LYAR: variants seen among roughly 807,000 people sequenced by gnomAD.
LYAR encodes the protein Ly1 antibody reactive, also known as cell growth-regulating nucleolar protein.
Under a neutral mutation model 45.2 loss-of-function variants are expected in LYAR, and 37 were observed. That is an observed-to-expected ratio of 0.82 (90% CI 0.63 to 1.08). The LOEUF (loss-of-function observed/expected upper bound fraction) is 1.08. Ranked by LOEUF, LYAR falls within the 50% of genes least tolerant of loss-of-function variation. The pLI is 0.00. For missense variants in LYAR, 493 were observed against 451.0 expected, an observed-to-expected ratio of 1.09 and a Z score of -0.84; for synonymous variants, 176 against 155.1, an observed-to-expected ratio of 1.14 and a Z score of -1.00.
Position 4,283,474 on chromosome 4 carries a change from CACCAGTTTTAATCAATGGAACAT to C in LYAR, c.122+124_122+146del, listed in dbSNP as rs1294455632. The stretch of plus-strand genomic sequence containing the variant: ...TAGTAAAGCACATTTGAAAGAATCA[CACCAGTTTTAATCAATGGAACAT>C]ACCAGTTTTTAGTCTTAATTTCATT... On this transcript the variant is annotated intron_variant, in intron 3 of 9. Transcript: ENST00000343470. 4 of 832,760 alleles carry C rather than the reference CACCAGTTTTAATCAATGGAACAT, an allele frequency of 4.8e-6. No individual in the cohort carries two copies. In the African/African-American group the frequency reaches 6.9e-5, roughly 14 times the overall value. 51.6% of individuals were successfully genotyped at this position (832,760 alleles called of 1,614,324 possible).
At chr4:4,273,749 G>T in intron 7 of LYAR, 80 bp from the exon 8 acceptor site, 1 of 789,038 alleles carries the variant, frequency 1.3e-6, no homozygotes, top group Non-Finnish European at 2.1e-6. Flanking sequence ...CCTTATGCGA[G>T]CTAGGCAAAC....
At chr4:4,279,261 G>A (rs1719304203) in intron 6 of LYAR, among the ~76,000 whole-genome samples, 186 bp downstream of exon 6, 1 of 152,164 alleles carries the variant, frequency 6.6e-6, no homozygotes, top group Non-Finnish European at 1.5e-5. Context: ...TGAACCCAGA[G>A]GCAGAAGTTG....
At chr4:4,281,982 G>A in intron 3 of LYAR, 85 bp from the exon 4 acceptor site, 3 of 793,604 alleles carry the variant, frequency 3.8e-6, no homozygotes, top group Non-Finnish European at 6.6e-6. Context: ...ATCTTCTGTG[G>A]TCTACACTGT....
chr4:4,287,814 C>T (rs1349101664), intron 1 of LYAR, among the ~76,000 whole-genome samples: 1 of 152,146 alleles, frequency 6.6e-6, no homozygotes, highest in Non-Finnish European at 1.5e-5. Context: ...TATAAGATGA[C>T]TTTCCATGTA....
chr4:4,277,096 G>A (rs1193532081), intron 6 of LYAR, among the ~76,000 whole-genome samples: 1 of 152,026 alleles, frequency 6.6e-6, no homozygotes, highest in South Asian at 2.1e-4. Flanking sequence ...ACCCAGGCTG[G>A]AGTGCAGTGG....
At chr4:4,279,599 A>G in intron 5 of LYAR, 43 bp downstream of exon 5, 1 of 1,566,086 alleles carries the variant, frequency 6.4e-7, no homozygotes, top group Non-Finnish European at 8.8e-7. Context: ...TCAGTCACTG[A>G]TGGGCCACAC....
intron 1 of LYAR, among the ~76,000 whole-genome samples, chr4:4,287,133 T>C (rs3775342): frequency 0.019 from 2,920 of 152,228 alleles, 89 homozygotes; most frequent in African/African-American, 0.065. Flanking sequence ...TGGATCTAAA[T>C]AGAGTCCTCT....
chr4:4,286,223 G>A (rs1259823198), intron 2 of LYAR, among the ~76,000 whole-genome samples: 1 of 152,154 alleles, frequency 6.6e-6, no homozygotes, highest in Non-Finnish European at 1.5e-5. Context: ...TCAGAGCCTG[G>A]AGGACAGTCC....
At chr4:4,268,849 A>G (rs1718814309) in intron 8 of LYAR, 1 of 423,076 alleles carries the variant, frequency 2.4e-6, no homozygotes, top group Non-Finnish European at 4.2e-6. Flanking sequence ...TGGCATGACA[A>G]ACTCCTAGAT....
In LYAR at chr4:4,268,536, C is replaced by T. The variant is rs566730070; in HGVS notation, c.999G>A (p.Arg333=). The change falls in exon 9 of 10, where the codon AGG becomes AGA. Residue 333 remains arginine (R), a synonymous_variant. Transcript: ENST00000343470. The part of the protein sequence containing the change: ...PDNEITIKKL[R]KKVLAQYYTV... ...GTTTGTTCATATGCCATACCTTTTT[C>T]CTTAGCTTTTTGATGGTTATTTCAT... 1.2e-6 allele frequency: 2 copies of T among 1,609,246 alleles called. No homozygotes were observed. Among genetic ancestry groups the T allele is most frequent in the South Asian group, 1.1e-5 (1 of 90,426 alleles).
At chr4:4,290,012 G>A (rs934429949) in intron 1 of LYAR, 24 bp downstream of exon 1, 1 of 152,352 alleles carries the variant, frequency 6.6e-6, no homozygotes, top group African/African-American at 2.4e-5. Flanking sequence ...TCCCAGGTCG[G>A]ACCTCTGGGC....
At chr4:4,285,709 G>A (rs1345822377) in intron 2 of LYAR, among the ~76,000 whole-genome samples, 1 of 152,260 alleles carries the variant, frequency 6.6e-6, no homozygotes, top group African/African-American at 2.4e-5. Flanking sequence ...ATACGGCTTA[G>A]AGCTTGCCAA....
At chr4:4,268,743 A>C (rs1372228420) in intron 8 of LYAR, 128 bp from the exon 9 acceptor site, 1 of 621,568 alleles carries the variant, frequency 1.6e-6, no homozygotes, top group Admixed American at 2.8e-5. Context: ...ACCAGACTCC[A>C]TAGCACCAAG....
intron 8 of LYAR, 63 bp downstream of exon 8, chr4:4,273,520 C>A: frequency 8.2e-7 from 1 of 1,226,722 alleles, no homozygotes; most frequent in Non-Finnish European, 1.2e-6. Flanking sequence ...TCTGAAGTAG[C>A]TGGGACTATC....
Position 4,283,627 on chromosome 4 carries a change from T to A in LYAR, c.116A>T (p.Asp39Val). 1 of 1,611,302 alleles carries A rather than the reference T, an allele frequency of 6.2e-7. No individual in the cohort carries two copies. The highest frequency in any genetic ancestry group is 8.5e-7 in the Non-Finnish European group (1 of 1,179,558). Residue 39 changes from aspartate (D) to valine (V), a missense_variant, in exon 3 of 10, where the codon GAT (aspartate) becomes GTT (valine). Coordinates refer to ENST00000343470, the MANE Select transcript of LYAR (RefSeq NM_017816.3). ...ECLSCIDCGK[D>V]FWGDDYKNHV... ...TGAATTCTGTGAAGCTTACCAGAAA[T>A]CTTTACCGCAGTCAATGCAAGAAAG...
intron 1 of LYAR, among the ~76,000 whole-genome samples, chr4:4,289,217 G>C (rs9684809): frequency 0.37 from 55,847 of 151,966 alleles, 10,801 homozygotes; most frequent in East Asian, 0.55. Flanking sequence ...TGAGCAAACT[G>C]AGGCACAGAA....
At chr4:4,277,004 C>T (rs1224580248) in intron 6 of LYAR, among the ~76,000 whole-genome samples, 2 of 152,178 alleles carry the variant, frequency 1.3e-5, no homozygotes, top group Non-Finnish European at 2.9e-5. Flanking sequence ...AGAAACTTCA[C>T]ATCTGTCCTA....
chr4:4,278,181 T>C (rs1382216759), intron 6 of LYAR, among the ~76,000 whole-genome samples: 1 of 152,190 alleles, frequency 6.6e-6, no homozygotes, highest in African/African-American at 2.4e-5. Flanking sequence ...AGGGCCAATT[T>C]GTACCTTCTG....
chr4:4,282,463 A>T (rs978352801), intron 3 of LYAR, among the ~76,000 whole-genome samples: 1 of 152,202 alleles, frequency 6.6e-6, no homozygotes, highest in African/African-American at 2.4e-5. Flanking sequence ...ATGAAAACTC[A>T]ATTTTAACCT....
Sources: allele counts gnomAD v4.1 joint callset (sites outside exome capture counted in the v4.1 genomes callset), GRCh38; gene constraint gnomAD v4.1.1; transcripts MANE v1.5; gene names NCBI Gene and HGNC (gene_info 2026-07-23, HGNC 2026-07-21).